The following CCDC178 variants were observed in gnomAD, a reference collection of about 807,000 sequenced individuals.
CCDC178 encodes coiled-coil domain-containing protein 178.
In CCDC178, 126 loss-of-function variants were observed where a neutral mutation model predicts 117.4. The ratio of observed to expected loss-of-function variants is 1.07; its 90% confidence interval spans 0.93 to 1.24. The LOEUF (loss-of-function observed/expected upper bound fraction) is 1.24. Among genes scored for constraint, CCDC178 ranks in the 50% most tolerant of loss-of-function variants. CCDC178 has a pLI of 0.00. For synonymous variants in CCDC178, 283 were observed against 313.4 expected, an observed-to-expected ratio of 0.90 and a Z score of 1.02; for missense variants, 1,030 against 986.9, an observed-to-expected ratio of 1.04 and a Z score of -0.59.
chr18:33,298,162 G>A (rs2062130449), intron 11 of CCDC178, among the ~76,000 whole-genome samples: 1 of 151,784 alleles, frequency 6.6e-6, no homozygotes, highest in African/African-American at 2.4e-5. Context: ...AACTAGACAG[G>A]GACACAACAA....
Position 33,034,453 on chromosome 18 carries a change from G to T in CCDC178, c.2388+58308C>A, listed in dbSNP as rs562308949. 2.4e-3 allele frequency among the ~76,000 whole-genome samples: 360 copies of T among 152,026 alleles called. 3 individuals carry two copies. The highest frequency in any genetic ancestry group is 0.014 in the Middle Eastern group (4 of 292). ...GCAGCACATAAAACTTTTCCAAATT[G>T]GGTTAGTGACATTCTTGTAAGTTTC... On this transcript the variant is annotated intron_variant, in intron 21 of 22. Transcript: ENST00000383096.
intron 9 of CCDC178, among the ~76,000 whole-genome samples, chr18:33,340,656 T>C (rs1429169825): frequency 6.6e-6 from 1 of 152,108 alleles, no homozygotes; most frequent in East Asian, 1.9e-4. Context: ...ACTCCAGCTA[T>C]GGCTGAAAGA....
chr18:33,151,339 C>A (rs2058339468), intron 20 of CCDC178, among the ~76,000 whole-genome samples: 1 of 152,098 alleles, frequency 6.6e-6, no homozygotes. Context: ...TATCTACAGT[C>A]TTCAAATATT....
At chr18:33,234,315 C>T (rs1168016500) in intron 15 of CCDC178, among the ~76,000 whole-genome samples, 2 of 152,088 alleles carry the variant, frequency 1.3e-5, no homozygotes, top group Non-Finnish European at 1.5e-5. Flanking sequence ...ACAGATTACA[C>T]ATTCCCAATA....
chr18:33,294,078 G>C lies in CCDC178; in HGVS notation c.1023-766C>G, dbSNP rs114125008. Among the ~76,000 whole-genome samples, 1,110 of 152,186 alleles carry C rather than the reference G, an allele frequency of 7.3e-3. 9 individuals are homozygous for C. Among genetic ancestry groups the C allele is most frequent in the African/African-American group, 0.026 (1,060 of 41,528 alleles). On this transcript the variant is annotated intron_variant, in intron 11 of 22. Coordinates refer to ENST00000383096, the MANE Select transcript of CCDC178 (RefSeq NM_001105528.4). ...GGAAATTGTAGCTTAGGAAAACACAGGGCTTTTTAAAAAGAAGTAATAGTC... is the reference window on the plus strand; with the variant it reads ...GGAAATTGTAGCTTAGGAAAACACACGGCTTTTTAAAAAGAAGTAATAGTC...
chr18:33,407,132 G>A (rs2063792567), intron 3 of CCDC178, among the ~76,000 whole-genome samples: 1 of 152,144 alleles, frequency 6.6e-6, no homozygotes, highest in Admixed American at 6.6e-5. Context: ...CCAACCAGGT[G>A]AGACAGGACC....
chr18:33,242,610 A>T (rs1197867224), intron 15 of CCDC178, among the ~76,000 whole-genome samples: 9 of 44,386 alleles, frequency 2.0e-4, no homozygotes, highest in East Asian at 8.4e-4. Flanking sequence ...CTAAACAGAT[A>T]TTTTTCAAAA....
chr18:32,944,924 T>A (rs1408871697), intron 22 of CCDC178, among the ~76,000 whole-genome samples: 1 of 152,202 alleles, frequency 6.6e-6, no homozygotes, highest in Non-Finnish European at 1.5e-5. Flanking sequence ...CTGCCGTGAC[T>A]GTGAGGCCTC....
chr18:33,392,090 C>T (rs958315665), intron 4 of CCDC178, among the ~76,000 whole-genome samples: 1 of 152,056 alleles, frequency 6.6e-6, no homozygotes, highest in Non-Finnish European at 1.5e-5. Flanking sequence ...GTCTCGAACT[C>T]CTGACCTCAG....
At chr18:33,213,546 A>C (rs986352230) in intron 19 of CCDC178, among the ~76,000 whole-genome samples, 1 of 152,086 alleles carries the variant, frequency 6.6e-6, no homozygotes, top group African/African-American at 2.4e-5. Context: ...AGTTGATCCC[A>C]AAAAAACATT....
At chr18:33,280,532 G>T (rs1002773225) in intron 12 of CCDC178, among the ~76,000 whole-genome samples, 1 of 151,620 alleles carries the variant, frequency 6.6e-6, no homozygotes, top group African/African-American at 2.4e-5. Flanking sequence ...AACCATTGTG[G>T]AAGTCAGTGT....
At chr18:33,225,448 C>T (rs1211137630) in intron 16 of CCDC178, among the ~76,000 whole-genome samples, 1 of 152,136 alleles carries the variant, frequency 6.6e-6, no homozygotes, top group Non-Finnish European at 1.5e-5. Flanking sequence ...GCGTGAGCCA[C>T]CACACACTGC....
intron 20 of CCDC178, among the ~76,000 whole-genome samples, chr18:33,208,304 C>T (rs1399193862): frequency 1.3e-5 from 2 of 151,988 alleles, no homozygotes; most frequent in Non-Finnish European, 2.9e-5. Context: ...TGGTCAGCTC[C>T]CCTAAATGTT....
intron 21 of CCDC178, among the ~76,000 whole-genome samples, chr18:33,087,525 A>ATG (rs148317139): frequency 4.0e-5 from 6 of 148,848 alleles, no homozygotes; most frequent in African/African-American, 7.4e-5. Context: ...GTGTGTGTGT[A>ATG]TGTGTGTGTG....
At chr18:32,998,224 G>C (rs1296691202) in intron 21 of CCDC178, among the ~76,000 whole-genome samples, 1 of 152,200 alleles carries the variant, frequency 6.6e-6, no homozygotes. Context: ...CCCTATTGCA[G>C]AGGAATGCAA....
chr18:33,004,753 C>G (rs1364541251), intron 21 of CCDC178, among the ~76,000 whole-genome samples: 2 of 151,992 alleles, frequency 1.3e-5, no homozygotes, highest in African/African-American at 4.8e-5. Flanking sequence ...ATAAGGAACT[C>G]AAACAACTCT....
At chr18:33,289,127 C>G (rs2060136444) in intron 12 of CCDC178, among the ~76,000 whole-genome samples, 1 of 151,914 alleles carries the variant, frequency 6.6e-6, no homozygotes. Context: ...GTGTTTTCAG[C>G]CTTGTCTATT....
intron 21 of CCDC178, among the ~76,000 whole-genome samples, chr18:33,025,530 G>T (rs2056209789): frequency 6.6e-6 from 1 of 151,862 alleles, no homozygotes; most frequent in Non-Finnish European, 1.5e-5. Context: ...TTTAAAAATG[G>T]TCAAAACTCA....
At chr18:32,947,531 GC>G (rs1475211718) in intron 22 of CCDC178, among the ~76,000 whole-genome samples, 1 of 151,996 alleles carries the variant, frequency 6.6e-6, no homozygotes, top group African/African-American at 2.4e-5. Context: ...CAAATCTTTT[GC>G]CCTTTTCTTT....
Sources: allele counts gnomAD v4.1 joint callset (sites outside exome capture counted in the v4.1 genomes callset), GRCh38; gene constraint gnomAD v4.1.1; transcripts MANE v1.5; gene names NCBI Gene and HGNC (gene_info 2026-07-23, HGNC 2026-07-21).